The following MARCHF5 variants were observed in gnomAD, a reference collection of about 807,000 sequenced individuals.
MARCHF5 encodes membrane associated ring-CH-type finger 5, also known as E3 ubiquitin-protein ligase MARCHF5.
MARCHF5 carries 5 observed loss-of-function variants against 36.5 expected under a neutral mutation model. The observed-to-expected ratio is 0.14, with a 90% CI of 0.07 to 0.29. The LOEUF is 0.29. Ranked by LOEUF, MARCHF5 falls within the 10% of genes least tolerant of loss-of-function variation. The pLI is 1.00. For missense variants in MARCHF5, 179 were observed against 336.3 expected (o/e 0.53, Z 3.66); for synonymous variants, 103 against 109.9 (o/e 0.94, Z 0.39).
rs371622719 is a variant in MARCHF5 at position 92,340,734 on chromosome 10, T to C, written c.300T>C (p.Ala100=). Residue 100 remains alanine (A), a synonymous_variant, in exon 3 of 6, where the codon GCT becomes GCC. Coordinates refer to ENST00000358935, the MANE Select transcript of MARCHF5 (RefSeq NM_017824.5). ...TGATCTCAAAAGCCTGTCCATTTGC[T>C]GCAGCAGGAATAATGGTCGGCTCTA... is the stretch of plus-strand genomic sequence containing the variant. ...DRLISKACPF[A]AAGIMVGSIY... is the part of the protein sequence containing the mutation. 1.4e-5 allele frequency: 23 copies of C among 1,613,844 alleles called. No homozygotes were observed. The highest frequency in any genetic ancestry group is 1.9e-5 in the Non-Finnish European group (23 of 1,179,924).
At chr10:92,307,681 C>T (rs999482614) in intron 1 of MARCHF5, among the ~76,000 whole-genome samples, 5 of 152,036 alleles carry the variant, frequency 3.3e-5, no homozygotes, top group African/African-American at 1.2e-4. Flanking sequence ...TCAAGACCAG[C>T]CTAGCCAGCA....
chr10:92,342,198 T>C (rs1843589130), intron 3 of MARCHF5, among the ~76,000 whole-genome samples: 1 of 149,742 alleles, frequency 6.7e-6, no homozygotes, highest in Admixed American at 6.7e-5. Flanking sequence ...TCACCAAGGC[T>C]GGAGTACAGT....
intron 1 of MARCHF5, among the ~76,000 whole-genome samples, chr10:92,300,418 A>G (rs1272483037): frequency 6.6e-6 from 1 of 151,594 alleles, no homozygotes; most frequent in Non-Finnish European, 1.5e-5. Flanking sequence ...ACCTGAGCCC[A>G]GGTTATGGAG....
At position 92,291,327 on chromosome 10, in the gene MARCHF5, C is replaced by T. The variant is rs915281397; in HGVS notation, c.-168C>T. The T allele has an allele frequency of 1.4e-5, 9 of 658,564 alleles. No homozygotes were observed. The highest frequency in any genetic ancestry group is 4.7e-5 in the Admixed American group (2 of 42,598). The allele number at this position is 658,564 out of a possible 1,614,324, so 40.8% of individuals were successfully genotyped here. ...CCGCCTCCGCCGGACTCCCGCAGGC[C>T]CTGCACCGCCGCCGCCAGGCTAGCG... On this transcript the variant is annotated 5_prime_UTR_variant, in exon 1 of 6. Transcript: ENST00000358935.
At chr10:92,326,783 GTT>G (rs575161225) in intron 2 of MARCHF5, among the ~76,000 whole-genome samples, 12 of 142,094 alleles carry the variant, frequency 8.4e-5, no homozygotes, top group African/African-American at 2.5e-4. Context: ...CTCATAAGCA[GTT>G]TTTTTTTTTT....
intron 2 of MARCHF5, among the ~76,000 whole-genome samples, chr10:92,318,165 AC>A (rs1167396410): frequency 2.0e-5 from 3 of 151,794 alleles, no homozygotes; most frequent in African/African-American, 7.3e-5. Flanking sequence ...CGTGGCTCAT[AC>A]CTGTAATCCC....
chr10:92,314,008 CAT>C (rs1843177368), intron 2 of MARCHF5, among the ~76,000 whole-genome samples: 1 of 151,826 alleles, frequency 6.6e-6, no homozygotes, highest in African/African-American at 2.4e-5. Flanking sequence ...GCCTAGGCAA[CAT>C]AGCAAAACCT....
intron 2 of MARCHF5, 53 bp downstream of exon 2, chr10:92,311,390 C>A: frequency 8.1e-7 from 1 of 1,231,340 alleles, no homozygotes; most frequent in Non-Finnish European, 1.1e-6. Flanking sequence ...TTATATATAA[C>A]TTTATAAGTT....
chr10:92,307,422 TTAA>T (rs1843088748), intron 1 of MARCHF5, among the ~76,000 whole-genome samples: 1 of 152,176 alleles, frequency 6.6e-6, no homozygotes, highest in Admixed American at 6.5e-5. Flanking sequence ...AGCAAATCAG[TTAA>T]TAAATTCTTT....
rs544014251 is a variant in MARCHF5 at position 92,345,420 on chromosome 10, G to A, written c.370-3929G>A. 3.4e-4 allele frequency among the ~76,000 whole-genome samples: 51 copies of A among 152,176 alleles called. No homozygotes were observed. In the East Asian group the frequency reaches 9.5e-3, roughly 28 times the overall value. ...CTCCGGATGCTGAGGCGTGAGAATCGCTTGAACCTGGGAGGCAGAGGTTGT... is the reference window on the plus strand; with the variant it reads ...CTCCGGATGCTGAGGCGTGAGAATCACTTGAACCTGGGAGGCAGAGGTTGT... On this transcript the variant is annotated intron_variant, in intron 3 of 5. Coordinates refer to ENST00000358935, the MANE Select transcript of MARCHF5 (RefSeq NM_017824.5).
intron 1 of MARCHF5, among the ~76,000 whole-genome samples, chr10:92,307,048 T>C (rs1228058604): frequency 6.6e-6 from 1 of 152,036 alleles, no homozygotes; most frequent in Non-Finnish European, 1.5e-5. Context: ...GAAGCTAGAC[T>C]ATATGCCTGC....
At chr10:92,302,509 A>G (rs1211827594) in intron 1 of MARCHF5, among the ~76,000 whole-genome samples, 1 of 148,390 alleles carries the variant, frequency 6.7e-6, no homozygotes, top group Non-Finnish European at 1.5e-5. Context: ...CAATGGCACG[A>G]TCTCGGCTCA....
intron 2 of MARCHF5, among the ~76,000 whole-genome samples, chr10:92,315,793 T>C (rs567273923): frequency 1.3e-5 from 2 of 152,352 alleles, no homozygotes; most frequent in South Asian, 4.1e-4. Context: ...ATTTAACCAA[T>C]GTAAACAACT....
At chr10:92,332,907 G>A (rs1367265522) in intron 2 of MARCHF5, among the ~76,000 whole-genome samples, 2 of 151,898 alleles carry the variant, frequency 1.3e-5, no homozygotes, top group East Asian at 3.9e-4. Context: ...GCTCACGCCT[G>A]TAATCCCAGC....
intron 3 of MARCHF5, among the ~76,000 whole-genome samples, chr10:92,347,537 A>G (rs1484488314): frequency 6.6e-6 from 1 of 151,452 alleles, no homozygotes; most frequent in Admixed American, 6.6e-5. Flanking sequence ...AGATATATAG[A>G]TAGATAGATA....
chr10:92,326,717 T>C (rs995364806), intron 2 of MARCHF5, among the ~76,000 whole-genome samples: 2 of 151,640 alleles, frequency 1.3e-5, no homozygotes, highest in Non-Finnish European at 2.9e-5. Flanking sequence ...TTTGCTTTGC[T>C]AGAAATGGAA....
chr10:92,302,077 T>A (rs752445826), intron 1 of MARCHF5, among the ~76,000 whole-genome samples: 2 of 152,092 alleles, frequency 1.3e-5, no homozygotes, highest in African/African-American at 4.8e-5. Flanking sequence ...AAATACCTAA[T>A]GCAGTGTAAA....
At chr10:92,344,819 T>C (rs936169438) in intron 3 of MARCHF5, among the ~76,000 whole-genome samples, 2 of 152,228 alleles carry the variant, frequency 1.3e-5, no homozygotes, top group Non-Finnish European at 2.9e-5. Context: ...TGCATTTTTA[T>C]TGAAAAGACA....
intron 1 of MARCHF5, among the ~76,000 whole-genome samples, chr10:92,305,429 A>G (rs1472699972): frequency 6.6e-6 from 1 of 152,154 alleles, no homozygotes; most frequent in East Asian, 1.9e-4. Context: ...GAATATTTAC[A>G]AAGGAAAAAT....
Sources: gnomAD v4.1 joint callset for allele counts (sites outside exome capture counted in the v4.1 genomes callset) on GRCh38, gnomAD v4.1.1 for gene constraint, MANE v1.5 for transcripts, NCBI Gene and HGNC (gene_info 2026-07-23, HGNC 2026-07-21) for gene names.